Variants in AMBRA1 observed in about 807,000 individuals in gnomAD.
AMBRA1 encodes the protein autophagy and beclin 1 regulator 1, also known as activating molecule in BECN1-regulated autophagy protein 1.
A neutral mutation model predicts 125.4 loss-of-function variants in AMBRA1; 47 were observed. The ratio of observed to expected loss-of-function variants is 0.37; its 90% CI spans 0.30 to 0.48. The LOEUF is 0.48. Among genes scored for constraint, AMBRA1 ranks in the 20% least tolerant of loss-of-function variants. The pLI is 0.99. For synonymous variants in AMBRA1, 626 were observed against 655.5 expected (o/e 0.95, Z 0.69); for missense variants, 1,331 against 1,693.4 (o/e 0.79, Z 3.76).
chr11:46,572,362 A>G (rs1207281128), intron 1 of AMBRA1, among the ~76,000 whole-genome samples: 1 of 152,180 alleles, frequency 6.6e-6, no homozygotes, highest in Non-Finnish European at 1.5e-5. Context: ...ATCTCTAGAC[A>G]TAAACCCAGG....
Position 46,397,380 on chromosome 11 carries a change from T to TCCACATGACC in AMBRA1, c.*69_*70insGGTCATGTGG, listed in dbSNP as rs1449369572. 1 of 1,436,992 alleles carries TCCACATGACC rather than the reference T, an allele frequency of 7.0e-7. No individual in the cohort carries two copies. Among genetic ancestry groups the TCCACATGACC allele is most frequent in the Non-Finnish European group, 9.1e-7 (1 of 1,095,046 alleles). The allele number at this position is 1,436,992 out of a possible 1,614,324, so 89.0% of individuals were successfully genotyped here. On this transcript the variant is annotated 3_prime_UTR_variant, in exon 18 of 18. Transcript: ENST00000683756. ...GCCAGCAGCTCTTCCACATGTCCAG[T>TCCACATGACC]TCCCAGTCAGCTGTGAGGTCCGGTT...
intron 16 of AMBRA1, among the ~76,000 whole-genome samples, chr11:46,409,845 G>A (rs1220399133): frequency 6.6e-6 from 1 of 152,244 alleles, no homozygotes; most frequent in Non-Finnish European, 1.5e-5. Flanking sequence ...AGTGATGAAA[G>A]GATCAGTACC....
intron 4 of AMBRA1, 190 bp from the exon 5 acceptor site, chr11:46,545,966 A>C: frequency 1.8e-6 from 1 of 570,880 alleles, no homozygotes; most frequent in South Asian, 2.2e-5. Context: ...AATACTATAC[A>C]ATCAGTTCAG....
At chr11:46,410,552 A>G (rs1946236107) in intron 15 of AMBRA1, among the ~76,000 whole-genome samples, 184 bp from the exon 16 acceptor site, 1 of 152,222 alleles carries the variant, frequency 6.6e-6, no homozygotes, top group Non-Finnish European at 1.5e-5. Flanking sequence ...ATCAATTCAG[A>G]CAAATCTCTA....
chr11:46,491,894 A>T (rs1345231448), intron 11 of AMBRA1, among the ~76,000 whole-genome samples: 1 of 152,194 alleles, frequency 6.6e-6, no homozygotes, highest in Non-Finnish European at 1.5e-5. Flanking sequence ...AGGCAGAAAA[A>T]AACAACATAC....
intron 7 of AMBRA1, among the ~76,000 whole-genome samples, chr11:46,518,618 G>A (rs1951626787): frequency 6.6e-6 from 1 of 152,014 alleles, no homozygotes; most frequent in African/African-American, 2.4e-5. Flanking sequence ...TAGAGACAAA[G>A]CCTAAAATAC....
At chr11:46,482,171 A>C (rs1445900537) in intron 11 of AMBRA1, among the ~76,000 whole-genome samples, 2 of 152,130 alleles carry the variant, frequency 1.3e-5, no homozygotes, top group Non-Finnish European at 2.9e-5. Flanking sequence ...TTTCTCTATA[A>C]TACTACTTCA....
intron 7 of AMBRA1, among the ~76,000 whole-genome samples, chr11:46,530,292 T>C (rs949878882): frequency 3.1e-4 from 47 of 149,432 alleles, no homozygotes; most frequent in Admixed American, 3.1e-3. Flanking sequence ...CAGCACGCTC[T>C]ACACCATTCA....
rs774999525 is a variant in AMBRA1 at position 46,547,895 on chromosome 11, A to C, written c.136-20T>G. The C allele has an allele frequency of 6.3e-7, 1 of 1,596,034 alleles. No individual in the cohort carries two copies. Among genetic ancestry groups the C allele is most frequent in the South Asian group, 1.1e-5 (1 of 89,142 alleles). ...TACTCTCTGGGAGACAAAAAAAAAA[A>C]AAAAGTTAAAATACATGATTTGTAG... On this transcript the variant is annotated intron_variant, in intron 2 of 17. Transcript: ENST00000683756.
chr11:46,469,653 A>G (rs1406595001), intron 11 of AMBRA1, among the ~76,000 whole-genome samples: 3 of 152,056 alleles, frequency 2.0e-5, no homozygotes, highest in Non-Finnish European at 4.4e-5. Context: ...ACTTAGCAAC[A>G]TATATTTCTT....
At chr11:46,557,706 G>A (rs1245282866) in intron 1 of AMBRA1, among the ~76,000 whole-genome samples, 2 of 152,200 alleles carry the variant, frequency 1.3e-5, no homozygotes, top group Non-Finnish European at 2.9e-5. Flanking sequence ...TACTCGGAAG[G>A]CTGAGGTGGG....
chr11:46,550,122 A>T (rs1458200940), intron 1 of AMBRA1, among the ~76,000 whole-genome samples: 1 of 152,212 alleles, frequency 6.6e-6, no homozygotes, highest in Non-Finnish European at 1.5e-5. Context: ...CCCAGCCGAC[A>T]CTAGCTTTTC....
At chr11:46,448,828 A>C (rs961213286) in intron 11 of AMBRA1, among the ~76,000 whole-genome samples, 1 of 152,238 alleles carries the variant, frequency 6.6e-6, no homozygotes, top group Non-Finnish European at 1.5e-5. Context: ...GTATGCCTAC[A>C]AATTTGAAAA....
intron 17 of AMBRA1, among the ~76,000 whole-genome samples, chr11:46,401,553 T>C (rs1413080485): frequency 6.6e-6 from 1 of 152,144 alleles, no homozygotes; most frequent in Non-Finnish European, 1.5e-5. Flanking sequence ...TCAAGTAGAT[T>C]ACCAGGGGCA....
At chr11:46,501,044 C>T (rs1176230778) in intron 9 of AMBRA1, among the ~76,000 whole-genome samples, 3 of 152,230 alleles carry the variant, frequency 2.0e-5, no homozygotes, top group Non-Finnish European at 2.9e-5. Context: ...ATCTGCCACA[C>T]ATCTTTAACT....
intron 1 of AMBRA1, among the ~76,000 whole-genome samples, chr11:46,550,172 T>C (rs2042948787): frequency 1.3e-5 from 2 of 152,220 alleles, no homozygotes; most frequent in African/African-American, 2.4e-5. Flanking sequence ...ATGCCTTACA[T>C]CCTAGACTCA....
intron 8 of AMBRA1, among the ~76,000 whole-genome samples, 188 bp from the exon 9 acceptor site, chr11:46,508,558 C>T (rs1825333467): frequency 2.0e-5 from 3 of 152,214 alleles, no homozygotes; most frequent in African/African-American, 7.2e-5. Flanking sequence ...AGACTATCAC[C>T]AGTGTTTCTG....
At chr11:46,451,801 A>T (rs1231665725) in intron 11 of AMBRA1, 1 of 148,974 alleles carries the variant, frequency 6.7e-6, no homozygotes, top group African/African-American at 2.5e-5. Context: ...CTTGGCTGTT[A>T]TATGAACCTG....
chr11:46,491,403 C>G (rs753646559), intron 11 of AMBRA1: 4 of 152,164 alleles, frequency 2.6e-5, no homozygotes, highest in Non-Finnish European at 4.4e-5. Context: ...CATATGATTA[C>G]TGCAAGACAG....
Sources: gnomAD v4.1 joint callset for allele counts (sites outside exome capture counted in the v4.1 genomes callset) on GRCh38, gnomAD v4.1.1 for gene constraint, MANE v1.5 for transcripts, NCBI Gene and HGNC (gene_info 2026-07-23, HGNC 2026-07-21) for gene names.